Variants in RNLS observed in about 807,000 individuals in gnomAD.
RNLS encodes the protein renalase, FAD dependent amine oxidase.
In RNLS, 39 loss-of-function variants were observed where a neutral mutation model predicts 39.8. The observed-to-expected ratio is 0.98, with a 90% CI of 0.76 to 1.28. RNLS has a LOEUF of 1.28. Among genes scored for constraint, RNLS ranks in the 50% most tolerant of loss-of-function variants. RNLS has a pLI of 0.00. For missense variants in RNLS, 410 were observed against 413.3 expected (o/e 0.99, Z 0.07); for synonymous variants, 147 against 150.7 (o/e 0.98, Z 0.18).
At chr10:88,581,483 G>T in intron 3 of RNLS, 84 bp downstream of exon 3, 1 of 1,187,608 alleles carries the variant, frequency 8.4e-7, no homozygotes, top group Non-Finnish European at 1.2e-6. Flanking sequence ...ATAATTTCCT[G>T]TATAGTATTA....
chr10:88,358,898 T>C (rs1158685089), intron 5 of RNLS, among the ~76,000 whole-genome samples: 3 of 152,250 alleles, frequency 2.0e-5, no homozygotes, highest in Non-Finnish European at 2.9e-5. Flanking sequence ...TCTTGTTGCT[T>C]CTCTACCTTG....
At chr10:88,211,049 C>T in the RNLS span, among the ~76,000 whole-genome samples, 1 of 152,102 alleles carries the variant, frequency 6.6e-6, no homozygotes, top group Admixed American at 6.6e-5. Flanking sequence ...TCTTCATAAC[C>T]CTTTCTTTTT....
At chr10:88,265,307 G>T in the RNLS span, among the ~76,000 whole-genome samples, 1 of 137,478 alleles carries the variant, frequency 7.3e-6, no homozygotes, top group Admixed American at 7.3e-5. Context: ...TCTTGCTTTG[G>T]CTATGCAGGG....
In RNLS at chr10:88,414,800, A is replaced by G. The variant is rs186735121; in HGVS notation, c.527-52075T>C. ...ACCAAAATTGTTTTTTAAATTGATT[A>G]TAATTTGTTCACCAGATTGATTCTG... On this transcript the variant is annotated intron_variant, in intron 4 of 6. Coordinates refer to ENST00000331772, the MANE Select transcript of RNLS (RefSeq NM_001031709.3). Among the ~76,000 whole-genome samples the G allele has an allele frequency of 4.6e-5, 7 of 152,338 alleles. No homozygotes were observed. The East Asian group carries it at 1.4e-3, about 29-fold the overall frequency.
intron 5 of RNLS, among the ~76,000 whole-genome samples, chr10:88,317,413 C>T (rs527522932): frequency 6.6e-6 from 1 of 152,300 alleles, no homozygotes; most frequent in African/African-American, 2.4e-5. Flanking sequence ...ATTCTTGTTT[C>T]CACCTCTCCA....
intron 5 of RNLS, among the ~76,000 whole-genome samples, chr10:88,319,814 TG>T (rs1459126727): frequency 6.6e-6 from 1 of 152,104 alleles, no homozygotes; most frequent in African/African-American, 2.4e-5. Flanking sequence ...TACAACTGGT[TG>T]GTATTCCTGA....
the RNLS span, among the ~76,000 whole-genome samples, chr10:88,245,074 G>GA: frequency 6.6e-6 from 1 of 151,964 alleles, no homozygotes; most frequent in Admixed American, 6.6e-5. Flanking sequence ...AAAAAAAGGG[G>GA]AAAAAAAGGA....
intron 4 of RNLS, among the ~76,000 whole-genome samples, chr10:88,451,097 C>T (rs931921916): frequency 6.6e-6 from 1 of 152,092 alleles, no homozygotes; most frequent in African/African-American, 2.4e-5. Context: ...TGTCAGATTA[C>T]GAAGGTCCTT....
At chr10:88,451,019 TG>T (rs1325465860) in intron 4 of RNLS, among the ~76,000 whole-genome samples, 1 of 152,000 alleles carries the variant, frequency 6.6e-6, no homozygotes, top group Non-Finnish European at 1.5e-5. Context: ...GGCCTAAACC[TG>T]GGACTAGCAG....
chr10:88,575,108 C>T (rs1850084436), intron 3 of RNLS, among the ~76,000 whole-genome samples: 1 of 133,732 alleles, frequency 7.5e-6, no homozygotes, highest in African/African-American at 2.8e-5. Context: ...CCAATGGCCA[C>T]AAGGTGTTCT....
At chr10:88,257,141 G>A in the RNLS span, among the ~76,000 whole-genome samples, 1 of 151,866 alleles carries the variant, frequency 6.6e-6, no homozygotes, top group African/African-American at 2.4e-5. Flanking sequence ...CATTCCCCAC[G>A]TTCAAAATCA....
rs149703538 is a variant in RNLS at position 88,374,005 on chromosome 10, T to A, written c.527-11280A>T. 3.9e-3 allele frequency among the ~76,000 whole-genome samples: 591 copies of A among 152,196 alleles called. 3 individuals carry two copies. Among genetic ancestry groups the A allele is most frequent in the African/African-American group, 0.014 (565 of 41,550 alleles). ...TAGCCCCATCTGTTAAGCAGAAGTA[T>A]GATCTACCTTAAAGGGCTGTTATGA... On this transcript the variant is annotated intron_variant, in intron 4 of 6. Transcript: ENST00000331772.
At chr10:88,296,350 T>G (rs1743306779) in intron 6 of RNLS, among the ~76,000 whole-genome samples, 1 of 152,136 alleles carries the variant, frequency 6.6e-6, no homozygotes, top group Admixed American at 6.6e-5. Context: ...GCTCTGTAGG[T>G]TGACAGCTGG....
At chr10:88,386,837 C>T (rs1851887549) in intron 4 of RNLS, among the ~76,000 whole-genome samples, 2 of 152,188 alleles carry the variant, frequency 1.3e-5, no homozygotes, top group African/African-American at 4.8e-5. Context: ...AGCAAAATAA[C>T]CACAATGTAT....
intron 4 of RNLS, among the ~76,000 whole-genome samples, chr10:88,533,906 G>A (rs1346146554): frequency 6.6e-6 from 1 of 152,084 alleles, no homozygotes; most frequent in African/African-American, 2.4e-5. Flanking sequence ...AAGCCTTGGG[G>A]TAGATGAAAT....
In RNLS at chr10:88,365,709, CT is replaced by C. The variant is rs561126811; in HGVS notation, c.527-2985del. On this transcript the variant is annotated intron_variant, in intron 4 of 6. Transcript: ENST00000331772. The stretch of plus-strand genomic sequence containing the variant: ...ACTTTCATTAATGAGGAAAATTGTT[CT>C]TATTTCATTCTCCTTGTGCCAGTGT... Among the ~76,000 whole-genome samples, 124 of 151,864 alleles carry C rather than the reference CT, an allele frequency of 8.2e-4. 1 individual carries two copies. Among genetic ancestry groups the C allele is most frequent in the South Asian group, 7.1e-3 (34 of 4,810 alleles).
Position 88,541,774 on chromosome 10 carries a change from TCCTGGTTGTGCC to T in RNLS, c.526+31117_526+31128del, listed in dbSNP as rs1458752901. On this transcript the variant is annotated intron_variant, in intron 4 of 6. Transcript: ENST00000331772. ...TTGACCCTTGAGGCAAAGAGAAATATCCTGGTTGTGCCCCTCTGGGTCAGTGTAGGATACAAA... is the reference window on the plus strand; with the variant it reads ...TTGACCCTTGAGGCAAAGAGAAATATCCTCTGGGTCAGTGTAGGATACAAA... Among the ~76,000 whole-genome samples, 8 of 152,172 alleles carry T rather than the reference TCCTGGTTGTGCC, an allele frequency of 5.3e-5. No individual in the cohort carries two copies. The East Asian group carries it at 1.5e-3, about 29-fold the overall frequency.
intron 4 of RNLS, among the ~76,000 whole-genome samples, chr10:88,378,832 T>G (rs1851230950): frequency 6.6e-6 from 1 of 152,226 alleles, no homozygotes; most frequent in African/African-American, 2.4e-5. Context: ...ATAATAAATT[T>G]GTATTTGCCT....
intron 4 of RNLS, among the ~76,000 whole-genome samples, chr10:88,426,414 T>C (rs937097448): frequency 1.3e-5 from 2 of 151,976 alleles, no homozygotes; most frequent in Non-Finnish European, 2.9e-5. Flanking sequence ...CTGTAAGTTA[T>C]ATATAGAAAA....
Sources: allele counts gnomAD v4.1 joint callset (sites outside exome capture counted in the v4.1 genomes callset), GRCh38; gene constraint gnomAD v4.1.1; transcripts MANE v1.5; gene names NCBI Gene and HGNC (gene_info 2026-07-23, HGNC 2026-07-21).